The following SUSD5 variants were observed in gnomAD, a reference collection of about 807,000 sequenced individuals.
SUSD5 encodes the protein sushi domain containing 5, also known as sushi domain-containing protein 5.
In SUSD5, 33 loss-of-function variants were observed where a neutral mutation model predicts 29.5. That is an observed-to-expected ratio of 1.12 (90% CI 0.85 to 1.49). The LOEUF (loss-of-function observed/expected upper bound fraction) is 1.49. Ranked by LOEUF, SUSD5 falls within the 40% of genes most tolerant of loss-of-function variation. The pLI is 0.00. For synonymous variants in SUSD5, 308 were observed against 325.3 expected (o/e 0.95, Z 0.57); for missense variants, 776 against 800.6 (o/e 0.97, Z 0.37).
Position 33,204,038 on chromosome 3 carries a change from C to T in SUSD5, c.409+3770G>A, listed in dbSNP as rs1360554827. On this transcript the variant is annotated intron_variant, in intron 3 of 4. Transcript: ENST00000309558. The surrounding 1 kb of genome is among the most constrained non-coding windows in gnomAD (Gnocchi z 4.5). ...CTAGAGATTCTCTCACCTCAGCCTC[C>T]AGAGTAGCTGGGAATACAGGGTGCG... 4.6e-5 allele frequency among the ~76,000 whole-genome samples: 7 copies of T among 152,034 alleles called. No individual in the cohort carries two copies. The highest frequency in any genetic ancestry group is 1.0e-4 in the Non-Finnish European group (7 of 68,012).
At chr3:33,208,585 C>T (rs1203770717) in intron 2 of SUSD5, among the ~76,000 whole-genome samples, 1 of 152,078 alleles carries the variant, frequency 6.6e-6, no homozygotes, top group Admixed American at 6.5e-5. Context: ...TTCCTTTCCT[C>T]TTCTTTCTTT....
intron 1 of SUSD5, among the ~76,000 whole-genome samples, chr3:33,215,648 G>A (rs1348000092): frequency 3.9e-5 from 6 of 152,098 alleles, no homozygotes; most frequent in Non-Finnish European, 8.8e-5. Flanking sequence ...ACAGAACCAG[G>A]CAGTATGGCT....
chr3:33,153,310 AT>A lies in SUSD5; in HGVS notation c.1321del (p.Met441CysfsTer2). The A allele has an allele frequency of 6.2e-7, 1 of 1,613,906 alleles. No individual in the cohort carries two copies. The highest frequency in any genetic ancestry group is 8.5e-7 in the Non-Finnish European group (1 of 1,179,870). On this transcript the variant is annotated frameshift_variant, in exon 5 of 5. Coordinates refer to ENST00000309558, the MANE Select transcript of SUSD5 (RefSeq NM_015551.2). LOFTEE classifies it low-confidence loss of function (END_TRUNC). ...GAGCGCCAAAGCTTCCACATCTAGC[AT>A]TTGAGATGGAAGAACTGAACTATGG... ...MTHSSVLPSQ[M>X]LDVEALALRP...
intron 3 of SUSD5, among the ~76,000 whole-genome samples, chr3:33,194,390 C>G (rs566759750): frequency 3.3e-4 from 50 of 152,194 alleles, no homozygotes; most frequent in Non-Finnish European, 6.3e-4. Flanking sequence ...ATCTGAGCAG[C>G]AGGCAAGAGG....
chr3:33,166,746 T>C (rs1441150433), intron 4 of SUSD5, among the ~76,000 whole-genome samples: 1 of 152,218 alleles, frequency 6.6e-6, no homozygotes, highest in Admixed American at 6.5e-5. Context: ...ATTACAGTTT[T>C]TACAAAGCTT....
chr3:33,215,100 C>T (rs1263581289), intron 1 of SUSD5, among the ~76,000 whole-genome samples: 1 of 150,592 alleles, frequency 6.6e-6, no homozygotes, highest in African/African-American at 2.4e-5. Flanking sequence ...AATAAAAATA[C>T]AAAAAAAAAT....
rs770144282 is a variant in SUSD5, at chr3:33,153,896, T to A, written c.736A>T (p.Lys246Ter). ...GQGDSSEEAP[K>*]QDRLVSISVG... The stretch of plus-strand genomic sequence containing the variant: ...GAAATGGAGACCAGACGGTCCTGTT[T>A]TGGAGCCTCCTCAGAGGAGTCTCCC... Residue 246 changes from lysine to a stop codon, truncating the protein, a stop_gained, in exon 5 of 5, where the codon AAA (lysine) becomes TAA (stop). Coordinates refer to ENST00000309558, the MANE Select transcript of SUSD5 (RefSeq NM_015551.2). LOFTEE classifies it low-confidence loss of function (END_TRUNC). 1 of 1,614,028 alleles carries A rather than the reference T, an allele frequency of 6.2e-7. No homozygotes were observed. Among genetic ancestry groups the A allele is most frequent in the East Asian group, 2.2e-5 (1 of 44,876 alleles).
chr3:33,179,872 T>C (rs1452873249), intron 3 of SUSD5, among the ~76,000 whole-genome samples: 2 of 152,222 alleles, frequency 1.3e-5, no homozygotes, highest in Non-Finnish European at 2.9e-5. Context: ...GGTAGTCTCG[T>C]AAGATTATAA....
chr3:33,152,789 G>A lies in SUSD5; in HGVS notation c.1843C>T (p.Arg615Trp), dbSNP rs555254159. 1.4e-5 allele frequency: 23 copies of A among 1,613,716 alleles called. No individual in the cohort carries two copies. Among genetic ancestry groups the A allele is most frequent in the Middle Eastern group, 1.7e-4 (1 of 6,058 alleles). The change falls in exon 5 of 5, where the codon CGG becomes TGG. Residue 615 changes from arginine (R) to tryptophan (W), a missense_variant. Coordinates refer to ENST00000309558, the MANE Select transcript of SUSD5 (RefSeq NM_015551.2). ...SSVYKLNVGQ[R>W]QARHYHQQIE... Reference sequence around the variant, plus strand: ...TGCTGGTGGTAGTGCCGAGCCTGCCGCTGGCCAACATTCAGCTTGTACACA... The same window carrying A: ...TGCTGGTGGTAGTGCCGAGCCTGCCACTGGCCAACATTCAGCTTGTACACA...
chr3:33,209,385 C>T (rs1327666148), intron 2 of SUSD5, among the ~76,000 whole-genome samples: 3 of 152,022 alleles, frequency 2.0e-5, no homozygotes, highest in Non-Finnish European at 4.4e-5. Context: ...TTATCTTTCT[C>T]TTCTCCTTTT....
At chr3:33,205,560 T>C (rs1312704727) in intron 3 of SUSD5, among the ~76,000 whole-genome samples, 1 of 152,238 alleles carries the variant, frequency 6.6e-6, no homozygotes, top group East Asian at 1.9e-4. Flanking sequence ...GACTTTGGTG[T>C]CCTATAGGAC....
At position 33,152,858 on chromosome 3, in the gene SUSD5, C is replaced by T. The variant is rs763463021; in HGVS notation, c.1774G>A (p.Val592Met). 6.2e-7 allele frequency: 1 copy of T among 1,613,982 alleles called. No individual in the cohort carries two copies. Among genetic ancestry groups the T allele is most frequent in the Admixed American group, 1.7e-5 (1 of 60,028 alleles). Residue 592 changes from valine to methionine, a missense_variant, in exon 5 of 5, where the codon GTG (valine) becomes ATG (methionine). Coordinates refer to ENST00000309558, the MANE Select transcript of SUSD5 (RefSeq NM_015551.2). ...TTGCGGTAGCCCCACACCATCCCCA[C>T]ACCTGCCAGGAGCAGCAGTAGGCAC... ...VLCLLLLLAG[V>M]GMVWGYRKCQ...
intron 3 of SUSD5, among the ~76,000 whole-genome samples, chr3:33,202,031 T>A (rs114573564): frequency 1.5e-5 from 2 of 136,270 alleles, no homozygotes; most frequent in Admixed American, 7.1e-5. Flanking sequence ...AAGTTATCTA[T>A]CTATCTATCT....
chr3:33,195,641 G>A (rs2031980427), intron 3 of SUSD5, among the ~76,000 whole-genome samples: 1 of 151,504 alleles, frequency 6.6e-6, no homozygotes, highest in African/African-American at 2.4e-5. Context: ...CTAATAACAG[G>A]AGAATGTTTA....
chr3:33,184,019 C>A (rs1168147269), intron 3 of SUSD5, among the ~76,000 whole-genome samples: 1 of 143,252 alleles, frequency 7.0e-6, no homozygotes, highest in Non-Finnish European at 1.5e-5. Context: ...TTCACTGCAA[C>A]CTCCACCTCC....
At chr3:33,164,000 AAAAAAC>A (rs547983135) in intron 4 of SUSD5, among the ~76,000 whole-genome samples, 2 of 152,052 alleles carry the variant, frequency 1.3e-5, no homozygotes, top group African/African-American at 2.4e-5. Flanking sequence ...ACTCCGTCTC[AAAAAAC>A]AAAAACAAAA....
At chr3:33,210,876 TTTCA>T (rs138304443) in intron 2 of SUSD5, among the ~76,000 whole-genome samples, 45,136 of 151,786 alleles carry the variant, frequency 0.3, 7,249 homozygotes, top group Non-Finnish European at 0.36. Flanking sequence ...ATTTTCTTTC[TTTCA>T]TTATTTATTT....
At chr3:33,180,320 G>A (rs2031641565) in intron 3 of SUSD5, among the ~76,000 whole-genome samples, 1 of 152,092 alleles carries the variant, frequency 6.6e-6, no homozygotes, top group Non-Finnish European at 1.5e-5. Context: ...AGGCTAATGT[G>A]CATGTTTGTG....
intron 3 of SUSD5, among the ~76,000 whole-genome samples, chr3:33,194,100 G>A (rs4678756): frequency 0.86 from 130,538 of 152,184 alleles, 56,153 homozygotes; most frequent in East Asian, 1. Flanking sequence ...GGTGCCATCC[G>A]GACCACTAAA....
Sources: allele counts gnomAD v4.1 joint callset (sites outside exome capture counted in the v4.1 genomes callset), GRCh38; gene constraint gnomAD v4.1.1; non-coding constraint Gnocchi (gnomAD v3.1); transcripts MANE v1.5; gene names NCBI Gene and HGNC (gene_info 2026-07-23, HGNC 2026-07-21).